The following GPR37L1 variants were observed in gnomAD, a reference collection of about 807,000 sequenced individuals.
GPR37L1 encodes the protein G protein-coupled receptor 37-like 1.
Under a neutral mutation model 18.0 loss-of-function variants are expected in GPR37L1, and 18 were observed. That is an observed-to-expected ratio of 1.00 (90% CI 0.69 to 1.49). GPR37L1 has a LOEUF of 1.49. Ranked by LOEUF, GPR37L1 falls within the 40% of genes most tolerant of loss-of-function variation. GPR37L1 has a pLI of 0.00. For synonymous variants in GPR37L1, 256 were observed against 273.9 expected (o/e 0.93, Z 0.65); for missense variants, 558 against 615.1 (o/e 0.91, Z 0.98).
Position 202,131,200 on chromosome 1 carries a change from C to A in GPR37L1, c.*2644C>A, listed in dbSNP as rs1654843492. The A allele has an allele frequency of 6.6e-6, 1 of 152,190 alleles. No homozygotes were observed. 9.4% of individuals were successfully genotyped at this position (152,190 alleles called of 1,614,324 possible). A position where few individuals can be genotyped will look rare whatever the true frequency, so the allele number is the denominator to read the frequency against. On this transcript the variant is annotated 3_prime_UTR_variant, in exon 2 of 2. Coordinates refer to ENST00000367282, the MANE Select transcript of GPR37L1 (RefSeq NM_004767.5). ...GCTCACCCGAGGGCAGACTTCAGAC[C>A]AGCCCTCAGATCCTGATGCCAGGTT...
At position 202,128,125 on chromosome 1, in the gene GPR37L1, C is replaced by T. The variant is rs759904993; in HGVS notation, c.1015C>T (p.Pro339Ser). Reference sequence around the variant, plus strand: ...GGTGACATGGCGGGTGCGAGGCCCTCCAGGGAGGAAGTCAGAGTGCAGGGC... The same window carrying T: ...GGTGACATGGCGGGTGCGAGGCCCTTCAGGGAGGAAGTCAGAGTGCAGGGC... ...QLVTWRVRGP[P>S]GRKSECRASK... Residue 339 changes from proline to serine, a missense_variant, in exon 2 of 2, where the codon CCA (proline) becomes TCA (serine). By Grantham distance (74) the Pro-to-Ser change is moderately conservative (BLOSUM62 -1). Coordinates refer to ENST00000367282, the MANE Select transcript of GPR37L1 (RefSeq NM_004767.5). 2 of 1,614,070 alleles carry T rather than the reference C, an allele frequency of 1.2e-6. No homozygotes were observed. Among genetic ancestry groups the T allele is most frequent in the East Asian group, 4.5e-5 (2 of 44,870 alleles).
rs1654836543 is a variant in GPR37L1 at position 202,130,986 on chromosome 1, G to C, written c.*2430G>C. 2 of 152,402 alleles carry C rather than the reference G, an allele frequency of 1.3e-5. No homozygotes were observed. Among genetic ancestry groups the C allele is most frequent in the Admixed American group, 1.3e-4 (2 of 15,312 alleles). 9.4% of individuals were successfully genotyped at this position (152,402 alleles called of 1,614,324 possible). On this transcript the variant is annotated 3_prime_UTR_variant, in exon 2 of 2. Transcript: ENST00000367282. ...TCTGCCACCGCCACCTCCCAAGCCT[G>C]CCAACGTGAATGGCTTGCAGAATCA...
At position 202,128,552 on chromosome 1, in the gene GPR37L1, G is replaced by C. The variant is rs1364373847; in HGVS notation, c.1442G>C (p.Cys481Ser). 1.9e-6 allele frequency: 3 copies of C among 1,543,580 alleles called. No homozygotes were observed. The highest frequency in any genetic ancestry group is 2.6e-6 in the Non-Finnish European group (3 of 1,138,102). Residue 481 changes from cysteine (C) to serine (S), a missense_variant, in exon 2 of 2, where the codon TGC becomes TCC. By Grantham distance (112) the Cys-to-Ser change is moderately radical. Coordinates refer to ENST00000367282, the MANE Select transcript of GPR37L1 (RefSeq NM_004767.5). The stretch of plus-strand genomic sequence containing the variant: ...CCACTCCTGCCCCTGGGCACACCTT[G>C]CTGAGGCCCCAGTAGGGGTGGGGAG... ...SPPLLPLGTP[C>S] is the part of the protein sequence containing the mutation.
At position 202,130,844 on chromosome 1, in the gene GPR37L1, G is replaced by A. The variant is rs1385193757; in HGVS notation, c.*2288G>A. The stretch of plus-strand genomic sequence containing the variant: ...CTGAGGTGAAGTCCAGGGCAGGGGA[G>A]TCAGACCCCTCAACATCCTGTTTAG... On this transcript the variant is annotated 3_prime_UTR_variant, in exon 2 of 2. Transcript: ENST00000367282. The A allele has an allele frequency of 6.6e-6, 1 of 152,256 alleles. No homozygotes were observed. The highest frequency in any genetic ancestry group is 1.5e-5 in the Non-Finnish European group (1 of 68,056). The allele number at this position is 152,256 out of a possible 1,614,324, so 9.4% of individuals were successfully genotyped here.
In GPR37L1 at chr1:202,128,428, G is replaced by A. The variant is rs755756498; in HGVS notation, c.1318G>A (p.Gly440Ser). 5.9e-5 allele frequency: 95 copies of A among 1,612,342 alleles called. 1 individual carries two copies. Among genetic ancestry groups the A allele is most frequent in the East Asian group, 4.7e-4 (21 of 44,818 alleles). Residue 440 changes from glycine (G) to serine (S), a missense_variant, in exon 2 of 2, where the codon GGC becomes AGC. By Grantham distance (56) the Gly-to-Ser change is moderately conservative (BLOSUM62 0). Transcript: ENST00000367282. Reference protein sequence around the residue: ...CCCCCCCEECGGASEASAANG... With the variant: ...CCCCCCCEECSGASEASAANG... ...CTGCTGCTGCTGCTGTGAGGAGTGC[G>A]GCGGGGCTTCGGAGGCCTCTGCTGC...
rs766689444 is a variant in GPR37L1 at position 202,127,936 on chromosome 1, C to T, written c.826C>T (p.Pro276Ser). The stretch of plus-strand genomic sequence containing the variant: ...CCTGCTGTGGCAGCTGGCACAGGAG[C>T]CTGCCCCCACCATGGGCACCCTGGA... ...ELLLWQLAQE[P>S]APTMGTLDSC... is the part of the protein sequence containing the mutation. Residue 276 changes from proline (P) to serine (S), a missense_variant, in exon 2 of 2, where the codon CCT becomes TCT. By Grantham distance (74) the Pro-to-Ser change is moderately conservative. Transcript: ENST00000367282. The T allele has an allele frequency of 3.1e-6, 5 of 1,613,856 alleles. No individual in the cohort carries two copies. The highest frequency in any genetic ancestry group is 4.2e-6 in the Non-Finnish European group (5 of 1,179,932).
chr1:202,127,471 C>T (rs1360347087), intron 1 of GPR37L1, among the ~76,000 whole-genome samples: 3 of 152,014 alleles, frequency 2.0e-5, no homozygotes, highest in Admixed American at 1.3e-4. Context: ...TGCCTCACCA[C>T]GACAGGCTAT....
chr1:202,127,568 G>A (rs1654704341), intron 1 of GPR37L1, among the ~76,000 whole-genome samples, 173 bp from the exon 2 acceptor site: 3 of 152,014 alleles, frequency 2.0e-5, no homozygotes, highest in Admixed American at 1.3e-4. Flanking sequence ...TGCCTGCCTC[G>A]GCCTCTCAAA....
chr1:202,123,412 C>G lies in GPR37L1; in HGVS notation c.449C>G (p.Ser150Trp). The G allele has an allele frequency of 6.2e-7, 1 of 1,614,104 alleles. No individual in the cohort carries two copies. The highest frequency in any genetic ancestry group is 8.5e-7 in the Non-Finnish European group (1 of 1,180,016). ...GCGGTGGGCATTGTGGGCAACCTGT[C>G]GGTCATGTGCATCGTGTGGCACAGC... ...VFAVGIVGNL[S>W]VMCIVWHSYY... is the part of the protein sequence containing the mutation. Residue 150 changes from serine (S) to tryptophan (W), a missense_variant, in exon 1 of 2, where the codon TCG becomes TGG. Ser to Trp is a radical substitution (Grantham distance 177, BLOSUM62 -3). Transcript: ENST00000367282.
chr1:202,123,678 G>C, intron 1 of GPR37L1, 85 bp downstream of exon 1: 1 of 1,294,588 alleles, frequency 7.7e-7, no homozygotes, highest in Non-Finnish European at 1.1e-6. Context: ...TTTGGAAATG[G>C]AATTTGTGGG....
rs78188972 is a variant in GPR37L1 at position 202,125,314 on chromosome 1, G to A, written c.630+1721G>A. On this transcript the variant is annotated intron_variant, in intron 1 of 1. Coordinates refer to ENST00000367282, the MANE Select transcript of GPR37L1 (RefSeq NM_004767.5). ...AGAAACTGGGCTTTTCCCATCACTA[G>A]CTGTGTGATTTGGTAGATTACTTTA... Among the ~76,000 whole-genome samples the A allele has an allele frequency of 7.3e-3, 1,104 of 152,152 alleles. 15 individuals carry two copies. The highest frequency in any genetic ancestry group is 0.026 in the African/African-American group (1,070 of 41,500).
In GPR37L1 at chr1:202,127,939, G is replaced by A. The variant is rs1459589660; in HGVS notation, c.829G>A (p.Ala277Thr). ...GCTGTGGCAGCTGGCACAGGAGCCTGCCCCCACCATGGGCACCCTGGACTC... is the reference window on the plus strand; with the variant it reads ...GCTGTGGCAGCTGGCACAGGAGCCTACCCCCACCATGGGCACCCTGGACTC... ...LLLWQLAQEP[A>T]PTMGTLDSCI... Residue 277 changes from alanine to threonine, a missense_variant, in exon 2 of 2, where the codon GCC (alanine) becomes ACC (threonine). By Grantham distance (58) the Ala-to-Thr change is moderately conservative (BLOSUM62 0). Coordinates refer to ENST00000367282, the MANE Select transcript of GPR37L1 (RefSeq NM_004767.5). The A allele has an allele frequency of 9.9e-6, 16 of 1,613,746 alleles. No individual in the cohort carries two copies. The highest frequency in any genetic ancestry group is 8.9e-5 in the East Asian group (4 of 44,888).
intron 1 of GPR37L1, among the ~76,000 whole-genome samples, chr1:202,125,432 T>C (rs1654633588): frequency 6.6e-6 from 1 of 152,164 alleles, no homozygotes; most frequent in South Asian, 2.1e-4. Context: ...ATGGGTGATG[T>C]CTATACAGTG....
At chr1:202,127,149 G>A (rs1210644119) in intron 1 of GPR37L1, among the ~76,000 whole-genome samples, 2 of 152,206 alleles carry the variant, frequency 1.3e-5, no homozygotes, top group East Asian at 3.8e-4. Flanking sequence ...GCAATTCACT[G>A]TTCCTGCCTG....
Position 202,128,774 on chromosome 1 carries a change from T to A in GPR37L1, c.*218T>A. On this transcript the variant is annotated 3_prime_UTR_variant, in exon 2 of 2. Coordinates refer to ENST00000367282, the MANE Select transcript of GPR37L1 (RefSeq NM_004767.5). ...CCCTGTCCTTTCCACTGGTGGGCGG[T>A]GATGCTTCTAGGTCCTTAGAACTGC... The A allele has an allele frequency of 1.9e-6, 1 of 523,706 alleles. No homozygotes were observed. Among genetic ancestry groups the A allele is most frequent in the Non-Finnish European group, 3.4e-6 (1 of 295,990 alleles). The allele number at this position is 523,706 out of a possible 1,614,324, so 32.4% of individuals were successfully genotyped here. A position where few individuals can be genotyped will look rare whatever the true frequency, so the allele number is the denominator to read the frequency against.
rs758707358 is a variant in GPR37L1, at chr1:202,128,439, G to A, written c.1329G>A (p.Ser443=). 16 of 1,610,216 alleles carry A rather than the reference G, an allele frequency of 9.9e-6. No individual in the cohort carries two copies. Among genetic ancestry groups the A allele is most frequent in the African/African-American group, 8.0e-5 (6 of 74,844 alleles). Residue 443 remains serine (S), a synonymous_variant, in exon 2 of 2, where the codon TCG becomes TCA. Coordinates refer to ENST00000367282, the MANE Select transcript of GPR37L1 (RefSeq NM_004767.5). ...GCTGTGAGGAGTGCGGCGGGGCTTC[G>A]GAGGCCTCTGCTGCCAATGGGTCGG... ...CCCCEECGGA[S]EASAANGSDN...
chr1:202,123,190 TGCAGCCAACCAA>T lies in GPR37L1; in HGVS notation c.230_241del (p.Gln77_Lys80del). 1 of 1,613,636 alleles carries T rather than the reference TGCAGCCAACCAA, an allele frequency of 6.2e-7. No individual in the cohort carries two copies. Among genetic ancestry groups the T allele is most frequent in the Non-Finnish European group, 8.5e-7 (1 of 1,179,822 alleles). ...CCCCGGCCCATTCACCCTGCTGGCC[TGCAGCCAACCAA>T]GCCCTTGGTGGCCACCAGCCCTAAC... On this transcript the variant is annotated inframe_deletion, in exon 1 of 2. Transcript: ENST00000367282.
rs1357672457 is a variant in GPR37L1 at position 202,133,329 on chromosome 1, G to C, written c.*4773G>C. 1 of 152,244 alleles carries C rather than the reference G, an allele frequency of 6.6e-6. No individual in the cohort carries two copies. The highest frequency in any genetic ancestry group is 1.5e-5 in the Non-Finnish European group (1 of 68,044). The allele number at this position is 152,244 out of a possible 1,614,324, so 9.4% of individuals were successfully genotyped here. On this transcript the variant is annotated 3_prime_UTR_variant, in exon 2 of 2. Coordinates refer to ENST00000367282, the MANE Select transcript of GPR37L1 (RefSeq NM_004767.5). ...CTCTGTTGGTGCCCAGCGTGCGGGG[G>C]TGTGCTGGTGGCCCTGTGGGCCTGT... is the stretch of plus-strand genomic sequence containing the variant.
chr1:202,129,816 C>T lies in GPR37L1; in HGVS notation c.*1260C>T, dbSNP rs558626399. The T allele has an allele frequency of 6.6e-6, 1 of 152,554 alleles. No individual in the cohort carries two copies. The highest frequency in any genetic ancestry group is 1.9e-4 in the East Asian group (1 of 5,194). The allele number at this position is 152,554 out of a possible 1,614,324, so 9.5% of individuals were successfully genotyped here. A position where few individuals can be genotyped will look rare whatever the true frequency, so the allele number is the denominator to read the frequency against. On this transcript the variant is annotated 3_prime_UTR_variant, in exon 2 of 2. Coordinates refer to ENST00000367282, the MANE Select transcript of GPR37L1 (RefSeq NM_004767.5). ...TGGAAAATATCTCCTCTGGAGCCTTCATCTCTGCTATGCCCTCTCTCCACA... is the reference window on the plus strand; with the variant it reads ...TGGAAAATATCTCCTCTGGAGCCTTTATCTCTGCTATGCCCTCTCTCCACA...
Sources: allele counts gnomAD v4.1 joint callset (sites outside exome capture counted in the v4.1 genomes callset), GRCh38; gene constraint gnomAD v4.1.1; transcripts MANE v1.5; gene names NCBI Gene and HGNC (gene_info 2026-07-23, HGNC 2026-07-21).